Variants in EPB41 observed in about 807,000 individuals in gnomAD.
EPB41 encodes the protein erythrocyte membrane protein band 4.1, also known as protein 4.1.
EPB41 carries 65 observed loss-of-function variants against 108.0 expected under a neutral mutation model. That is an observed-to-expected ratio of 0.60 (90% confidence interval 0.49 to 0.74). EPB41 has a LOEUF of 0.74. Ranked by LOEUF, EPB41 falls within the 30% of genes least tolerant of loss-of-function variation. EPB41 has a pLI of 0.00. For missense variants in EPB41, 875 were observed against 1,037.0 expected (o/e 0.84, Z 2.15); for synonymous variants, 336 against 358.9 (o/e 0.94, Z 0.72).
chr1:29,001,292 T>C (rs1397973544), intron 4 of EPB41, among the ~76,000 whole-genome samples: 1 of 152,164 alleles, frequency 6.6e-6, no homozygotes, highest in Non-Finnish European at 1.5e-5. Flanking sequence ...GTCACGCCAT[T>C]GCACTCCAGC....
intron 16 of EPB41, among the ~76,000 whole-genome samples, chr1:29,086,481 C>T (rs1259055595): frequency 6.6e-6 from 1 of 151,872 alleles, no homozygotes; most frequent in Non-Finnish European, 1.5e-5. Flanking sequence ...ACCATGTTGG[C>T]CAGGATGGTC....
Position 28,952,302 on chromosome 1 carries a change from C to T in EPB41, c.-7-35129C>T, listed in dbSNP as rs112326048. On this transcript the variant is annotated intron_variant, in intron 1 of 20. Coordinates refer to ENST00000343067, the MANE Select transcript of EPB41 (RefSeq NM_001376013.1). The stretch of plus-strand genomic sequence containing the variant: ...CAGCACTGTGGGAGGCCAAGGCAGG[C>T]GGATCACTAGGTCAGGAGTTCAAGA... 8.7e-3 allele frequency among the ~76,000 whole-genome samples: 1,316 copies of T among 151,512 alleles called. 10 individuals carry two copies. The highest frequency in any genetic ancestry group is 0.072 in the Middle Eastern group (21 of 290).
intron 1 of EPB41, among the ~76,000 whole-genome samples, chr1:28,948,288 C>T (rs1378766413): frequency 6.6e-6 from 1 of 151,578 alleles, no homozygotes; most frequent in Non-Finnish European, 1.5e-5. Flanking sequence ...CCGAGGCGGG[C>T]GGATCACGAG....
Position 29,118,656 on chromosome 1 carries a change from A to G in EPB41, c.*1844A>G, listed in dbSNP as rs950708523. ...GTTTGAACTCATTTCGGGTGTGTGC[A>G]TTTTTCTTTTGGTACCCATGTGAGA... On this transcript the variant is annotated 3_prime_UTR_variant, in exon 21 of 21. Coordinates refer to ENST00000343067, the MANE Select transcript of EPB41 (RefSeq NM_001376013.1). The G allele has an allele frequency of 6.6e-6, 1 of 152,124 alleles. No homozygotes were observed. Among genetic ancestry groups the G allele is most frequent in the African/African-American group, 2.4e-5 (1 of 41,396 alleles). 9.4% of individuals were successfully genotyped at this position (152,124 alleles called of 1,614,324 possible). A position where few individuals can be genotyped will look rare whatever the true frequency, so the allele number is the denominator to read the frequency against.
At chr1:29,080,827 C>A (rs1327354953) in intron 16 of EPB41, among the ~76,000 whole-genome samples, 3 of 152,314 alleles carry the variant, frequency 2.0e-5, no homozygotes, top group East Asian at 3.9e-4. Flanking sequence ...CCTAAGAAAT[C>A]TTTAGTCCCT....
chr1:28,960,582 A>C (rs1218780751), intron 1 of EPB41, among the ~76,000 whole-genome samples: 3 of 149,352 alleles, frequency 2.0e-5, no homozygotes, highest in Non-Finnish European at 4.4e-5. Context: ...AAAAAAAAAA[A>C]CTTAAAAAAA....
intron 18 of EPB41, among the ~76,000 whole-genome samples, chr1:29,112,085 A>G (rs1211572140): frequency 6.6e-6 from 1 of 152,232 alleles, no homozygotes; most frequent in African/African-American, 2.4e-5. Flanking sequence ...TAGGTTAGAA[A>G]GCTGTCCTTT....
intron 1 of EPB41, among the ~76,000 whole-genome samples, chr1:28,934,436 C>G (rs2093895771): frequency 1.3e-5 from 2 of 151,646 alleles, no homozygotes; most frequent in Non-Finnish European, 2.9e-5. Context: ...GAGTTGTACT[C>G]TACCTCCTTG....
intron 7 of EPB41, among the ~76,000 whole-genome samples, chr1:29,020,638 T>C (rs551704920): frequency 3.9e-5 from 6 of 152,152 alleles, no homozygotes; most frequent in Admixed American, 3.3e-4. Context: ...CAGATTGTGA[T>C]TGATACTTGA....
chr1:28,934,370 C>T (rs985136186), intron 1 of EPB41, among the ~76,000 whole-genome samples: 2 of 152,092 alleles, frequency 1.3e-5, no homozygotes, highest in African/African-American at 4.8e-5. Context: ...CCCCCTTTTC[C>T]ATACTGTACT....
rs11804702 is a variant in EPB41, at chr1:29,074,451, C to T, written c.2184+9293C>T. Among the ~76,000 whole-genome samples, 1,096 of 152,262 alleles carry T rather than the reference C, an allele frequency of 7.2e-3. 13 individuals carry two copies. The highest frequency in any genetic ancestry group is 0.026 in the African/African-American group (1,064 of 41,570). ...CATGTAGCATTACCATATCTGCTTCCTCTACACTTTAGTGGATAGTATTAA... is the reference window on the plus strand; with the variant it reads ...CATGTAGCATTACCATATCTGCTTCTTCTACACTTTAGTGGATAGTATTAA... On this transcript the variant is annotated intron_variant, in intron 16 of 20. Coordinates refer to ENST00000343067, the MANE Select transcript of EPB41 (RefSeq NM_001376013.1).
intron 11 of EPB41, among the ~76,000 whole-genome samples, chr1:29,041,001 T>A (rs752182041): frequency 1.3e-5 from 2 of 151,866 alleles, no homozygotes; most frequent in African/African-American, 2.4e-5. Context: ...CTGGGCATGG[T>A]GGCGCACGTC....
chr1:28,950,258 A>G (rs1337844342), intron 1 of EPB41, among the ~76,000 whole-genome samples: 1 of 152,242 alleles, frequency 6.6e-6, no homozygotes. Context: ...ACCTGTAACT[A>G]TCAACAGTTT....
intron 1 of EPB41, among the ~76,000 whole-genome samples, chr1:28,894,117 T>G (rs1208030866): frequency 6.6e-6 from 1 of 152,208 alleles, no homozygotes; most frequent in Non-Finnish European, 1.5e-5. Context: ...GGTGATTCTT[T>G]GCATCTCAGT....
At chr1:29,060,241 T>C (rs1295335558) in intron 14 of EPB41, among the ~76,000 whole-genome samples, 181 bp from the exon 15 acceptor site, 1 of 152,208 alleles carries the variant, frequency 6.6e-6, no homozygotes, top group East Asian at 1.9e-4. Context: ...AGGTCATCAT[T>C]TTCTTGTGGT....
intron 1 of EPB41, among the ~76,000 whole-genome samples, chr1:28,955,167 G>A (rs2094893767): frequency 6.6e-6 from 1 of 152,138 alleles, no homozygotes; most frequent in Non-Finnish European, 1.5e-5. Context: ...TGCTAATAAT[G>A]CAAGTACACA....
chr1:29,077,387 A>G (rs768407475), intron 16 of EPB41, among the ~76,000 whole-genome samples: 4 of 152,016 alleles, frequency 2.6e-5, no homozygotes, highest in Non-Finnish European at 5.9e-5. Context: ...CCTGGGCAAC[A>G]TAGCAAGACC....
chr1:29,036,352 C>T (rs1294617308), intron 10 of EPB41, among the ~76,000 whole-genome samples: 12 of 150,242 alleles, frequency 8.0e-5, no homozygotes, highest in African/African-American at 1.5e-4. Context: ...CTCCGCCTCC[C>T]GGGTTCAAGT....
intron 16 of EPB41, among the ~76,000 whole-genome samples, chr1:29,088,203 C>T (rs185928353): frequency 4.5e-4 from 68 of 152,078 alleles, no homozygotes; most frequent in African/African-American, 1.4e-3. Context: ...TGCGCTACCA[C>T]GCCTGGCTAA....
Sources: allele counts gnomAD v4.1 joint callset (sites outside exome capture counted in the v4.1 genomes callset), GRCh38; gene constraint gnomAD v4.1.1; transcripts MANE v1.5; gene names NCBI Gene and HGNC (gene_info 2026-07-23, HGNC 2026-07-21).